ZNF675: variants seen among roughly 807,000 people sequenced by gnomAD.
ZNF675 encodes the protein zinc finger protein 675, also known as TRAF6 inhibitory zinc finger.
Under a neutral mutation model 56.1 loss-of-function variants are expected in ZNF675, and 36 were observed. The ratio of observed to expected loss-of-function variants is 0.64; its 90% CI spans 0.49 to 0.85. The LOEUF (loss-of-function observed/expected upper bound fraction) is 0.85. Ranked by LOEUF, ZNF675 falls within the 40% of genes least tolerant of loss-of-function variation. The pLI is 0.00. For synonymous variants in ZNF675, 200 were observed against 218.9 expected (o/e 0.91, Z 0.76); for missense variants, 663 against 654.2 (o/e 1.01, Z -0.15).
At chr19:23,674,261 CA>C (rs1968265886) in intron 1 of ZNF675, among the ~76,000 whole-genome samples, 1 of 151,592 alleles carries the variant, frequency 6.6e-6, no homozygotes, top group Admixed American at 6.6e-5. Flanking sequence ...CAAAGAATGC[CA>C]AAAAGTTTAT....
intron 1 of ZNF675, among the ~76,000 whole-genome samples, chr19:23,682,760 G>T (rs1389330995): frequency 6.6e-6 from 1 of 151,676 alleles, no homozygotes; most frequent in Non-Finnish European, 1.5e-5. Flanking sequence ...GAAAAATCCA[G>T]CAAAATTACT....
intron 1 of ZNF675, among the ~76,000 whole-genome samples, chr19:23,663,421 G>C (rs2144929866): frequency 6.6e-6 from 1 of 152,326 alleles, no homozygotes; most frequent in South Asian, 2.1e-4. Context: ...GTCAGGCACA[G>C]TGGCTCATGC....
chr19:23,653,275 T>G lies in ZNF675; in HGVS notation c.1658A>C (p.Lys553Thr). The stretch of plus-strand genomic sequence containing the variant: ...CTCTCCAGTATGTATTTTTTTATGT[T>G]TAGTAAGGTTTGCAGATTGGTTAAA... ...KAFNQSANLT[K>T]HKKIHTGEKL... is the part of the protein sequence containing the mutation. Residue 553 changes from lysine (K) to threonine (T), a missense_variant, in exon 4 of 4, where the codon AAA (lysine) becomes ACA (threonine). Physicochemically the swap from Lys to Thr is moderately conservative, Grantham distance 78. Coordinates refer to ENST00000359788, the MANE Select transcript of ZNF675 (RefSeq NM_138330.3). 4 of 1,612,522 alleles carry G rather than the reference T, an allele frequency of 2.5e-6. No homozygotes were observed. The highest frequency in any genetic ancestry group is 3.4e-6 in the Non-Finnish European group (4 of 1,179,342).
In ZNF675 at chr19:23,679,008, A is replaced by T. The variant is rs1044159523; in HGVS notation, c.3+8023T>A. Among the ~76,000 whole-genome samples, 39 of 151,328 alleles carry T rather than the reference A, an allele frequency of 2.6e-4. 1 individual carries two copies. Among genetic ancestry groups the T allele is most frequent in the African/African-American group, 9.3e-4 (38 of 40,790 alleles). On this transcript the variant is annotated intron_variant, in intron 1 of 3. Coordinates refer to ENST00000359788, the MANE Select transcript of ZNF675 (RefSeq NM_138330.3). Reference sequence around the variant, plus strand: ...GGTGAAACCCCATCTCTACTAAAAAATACAAAAAATTAGCCGGGCGTGGTG... The same window carrying T: ...GGTGAAACCCCATCTCTACTAAAAATTACAAAAAATTAGCCGGGCGTGGTG...
At chr19:23,664,331 T>A (rs1201470190) in intron 1 of ZNF675, among the ~76,000 whole-genome samples, 1 of 152,008 alleles carries the variant, frequency 6.6e-6, no homozygotes, top group African/African-American at 2.4e-5. Flanking sequence ...ACCACCACAC[T>A]CACAGGCAGA....
intron 3 of ZNF675, among the ~76,000 whole-genome samples, chr19:23,659,012 G>T (rs1435557614): frequency 7.0e-6 from 1 of 143,404 alleles, no homozygotes; most frequent in Non-Finnish European, 1.5e-5. Context: ...TATATAAAAT[G>T]TTAAATATAT....
intron 3 of ZNF675, among the ~76,000 whole-genome samples, chr19:23,657,435 A>T (rs1968002289): frequency 6.6e-6 from 1 of 152,146 alleles, no homozygotes; most frequent in Admixed American, 6.5e-5. Flanking sequence ...AGACTATCTC[A>T]CCGGGTGTGG....
chr19:23,675,133 G>A (rs1156612095), intron 1 of ZNF675, among the ~76,000 whole-genome samples: 2 of 151,768 alleles, frequency 1.3e-5, no homozygotes, highest in Non-Finnish European at 2.9e-5. Context: ...GTATTCACTT[G>A]AAAGAATGTT....
chr19:23,686,206 C>T (rs907114023), intron 1 of ZNF675: 4 of 152,180 alleles, frequency 2.6e-5, no homozygotes, highest in African/African-American at 4.8e-5. Flanking sequence ...TCAAGCTGCT[C>T]TCATAAAGTC....
intron 1 of ZNF675, among the ~76,000 whole-genome samples, chr19:23,676,749 A>T (rs1009540156): frequency 6.6e-6 from 1 of 151,842 alleles, no homozygotes; most frequent in African/African-American, 2.4e-5. Flanking sequence ...TACTGAATAG[A>T]TACAAGTTGC....
chr19:23,673,091 A>T (rs576651135), intron 1 of ZNF675, among the ~76,000 whole-genome samples: 2 of 152,372 alleles, frequency 1.3e-5, no homozygotes, highest in African/African-American at 2.4e-5. Context: ...TTGTGCTCTC[A>T]TTTTAATGTC....
chr19:23,666,092 C>G (rs1481053619), intron 1 of ZNF675, among the ~76,000 whole-genome samples: 2 of 152,158 alleles, frequency 1.3e-5, no homozygotes, highest in Non-Finnish European at 2.9e-5. Flanking sequence ...GAACCTAAGA[C>G]CATTTCACAC....
At position 23,677,673 on chromosome 19, in the gene ZNF675, C is replaced by T. The variant is rs573433038; in HGVS notation, c.3+9358G>A. 2.7e-5 allele frequency among the ~76,000 whole-genome samples: 4 copies of T among 146,166 alleles called. No individual in the cohort carries two copies. In the South Asian group the frequency reaches 6.4e-4, roughly 24 times the overall value. ...GTGAGCCAAAATCACACCACTTGCA[C>T]TCCAGCCTGGGCAACAGAGTGAGAC... On this transcript the variant is annotated intron_variant, in intron 1 of 3. Transcript: ENST00000359788.
rs141462358 is a variant in ZNF675, at chr19:23,661,845, GCA to G, written c.226+267_226+268del. 1,481 of 273,670 alleles carry G rather than the reference GCA, an allele frequency of 5.4e-3. 51 individuals are homozygous for G. The East Asian group carries it at 0.078, about 14-fold the overall frequency. The allele number at this position is 273,670 out of a possible 1,614,324, so 17.0% of individuals were successfully genotyped here. On this transcript the variant is annotated intron_variant, in intron 3 of 3. Transcript: ENST00000359788. The stretch of plus-strand genomic sequence containing the variant: ...AAAAAAATGAGTAAGGATTCAGATT[GCA>G]CAGTCTCTTGTATGCCATGAAGCGG...
rs1173199255 is a variant in ZNF675 at position 23,653,320 on chromosome 19, C to A, written c.1613G>T (p.Cys538Phe). 1 of 1,613,664 alleles carries A rather than the reference C, an allele frequency of 6.2e-7. No individual in the cohort carries two copies. The highest frequency in any genetic ancestry group is 8.5e-7 in the Non-Finnish European group (1 of 1,179,934). Reference sequence around the variant, plus strand: ...GTTAAAAGCTTTGTCACATCTCTCACATTTATAGGGTTTCTCTCCAGTATG... The same window carrying A: ...GTTAAAAGCTTTGTCACATCTCTCAAATTTATAGGGTTTCTCTCCAGTATG... The part of the protein sequence containing the change: ...IIHTGEKPYK[C>F]ERCDKAFNQS... Residue 538 changes from cysteine to phenylalanine, a missense_variant, in exon 4 of 4, where the codon TGT becomes TTT. By Grantham distance (205) the Cys-to-Phe change is radical. Coordinates refer to ENST00000359788, the MANE Select transcript of ZNF675 (RefSeq NM_138330.3).
At position 23,663,082 on chromosome 19, in the gene ZNF675, T is replaced by C; in HGVS notation, c.80A>G (p.Asn27Ser). Residue 27 changes from asparagine (N) to serine (S), a missense_variant, in exon 2 of 4, where the codon AAT becomes AGT. By Grantham distance (46) the Asn-to-Ser change is conservative (BLOSUM62 1). Coordinates refer to ENST00000359788, the MANE Select transcript of ZNF675 (RefSeq NM_138330.3). ...CTCTAAAATCACATTTTTATATAAATTCCGCTGTGCAGTGTCCAGGCATTG... is the reference window on the plus strand; with the variant it reads ...CTCTAAAATCACATTTTTATATAAACTCCGCTGTGCAGTGTCCAGGCATTG... ...EWQCLDTAQR[N>S]LYKNVILENY... 6.2e-7 allele frequency: 1 copy of C among 1,608,310 alleles called. No individual in the cohort carries two copies. The highest frequency in any genetic ancestry group is 8.5e-7 in the Non-Finnish European group (1 of 1,177,840).
intron 3 of ZNF675, among the ~76,000 whole-genome samples, chr19:23,661,199 C>G (rs1968072537): frequency 6.6e-6 from 1 of 152,044 alleles, no homozygotes; most frequent in Non-Finnish European, 1.5e-5. Flanking sequence ...ATGCACACAT[C>G]ACAAAGCAGT....
rs776782567 is a variant in ZNF675, at chr19:23,653,305, T to C, written c.1628A>G (p.Lys543Arg). Residue 543 changes from lysine (K) to arginine (R), a missense_variant, in exon 4 of 4, where the codon AAA becomes AGA. By Grantham distance (26) the Lys-to-Arg change is conservative. Around this residue, in one of 3 missense-constraint regions of ZNF675, gnomAD observed 617 missense variants for 590.5 expected, o/e 1.04. Transcript: ENST00000359788. ...AAGGTTTGCAGATTGGTTAAAAGCT[T>C]TGTCACATCTCTCACATTTATAGGG... ...EKPYKCERCD[K>R]AFNQSANLTK... 1.9e-6 allele frequency: 3 copies of C among 1,613,794 alleles called. No homozygotes were observed. In the East Asian group the frequency reaches 6.7e-5, roughly 36 times the overall value.
chr19:23,678,129 A>G (rs1345754499), intron 1 of ZNF675, among the ~76,000 whole-genome samples: 3 of 151,816 alleles, frequency 2.0e-5, no homozygotes, highest in African/African-American at 7.3e-5. Flanking sequence ...TGGGGGGAAA[A>G]AAAGTCAGAG....
Sources: allele counts gnomAD v4.1 joint callset (sites outside exome capture counted in the v4.1 genomes callset), GRCh38; gene constraint gnomAD v4.1.1; regional missense constraint gnomAD v4.1.1; transcripts MANE v1.5; gene names NCBI Gene and HGNC (gene_info 2026-07-23, HGNC 2026-07-21).